The following ZNF814 variants were observed in gnomAD, a reference collection of about 807,000 sequenced individuals.
The protein encoded by ZNF814 is zinc finger protein 814.
Under a neutral mutation model 7.5 loss-of-function variants are expected in ZNF814, and 5 were observed. The ratio of observed to expected loss-of-function variants is 0.67; its 90% CI spans 0.35 to 1.40. ZNF814 has a LOEUF of 1.40. Ranked by LOEUF, ZNF814 falls within the 40% of genes most tolerant of loss-of-function variation. ZNF814 has a pLI of 0.04. For synonymous variants in ZNF814, 315 were observed against 340.7 expected, an observed-to-expected ratio of 0.92 and a Z score of 0.83; for missense variants, 962 against 1,018.0, an observed-to-expected ratio of 0.94 and a Z score of 0.75.
the ZNF814 span, among the ~76,000 whole-genome samples, chr19:57,899,184 G>A: frequency 0.22 from 33,043 of 152,074 alleles, 4,084 homozygotes; most frequent in South Asian, 0.28. Flanking sequence ...GGATACCATT[G>A]GAAAGTACTC....
At chr19:57,898,941 A>AAC in the ZNF814 span, among the ~76,000 whole-genome samples, 2 of 129,808 alleles carry the variant, frequency 1.5e-5, no homozygotes, top group African/African-American at 4.2e-5. Context: ...CTCTGTCTCA[A>AAC]AAAAAAAAAA....
chr19:57,886,161 A>G (rs1488055438), intron 1 of ZNF814, among the ~76,000 whole-genome samples: 1 of 151,956 alleles, frequency 6.6e-6, no homozygotes, highest in Non-Finnish European at 1.5e-5. Context: ...GGAATGGAAC[A>G]CTCTCCACTT....
At position 57,873,854 on chromosome 19, in the gene ZNF814, T is replaced by C; in HGVS notation, c.1536A>G (p.Arg512=). The change falls in exon 3 of 3, where the codon CGA becomes CGG. Residue 512 remains arginine, a synonymous_variant. Transcript: ENST00000435989. ...CATAAGGTCTTGCTCCAGTGTGAAC[T>C]CGCTGGTGTAGAACGAGGTTGCCCT... The part of the protein sequence containing the change: ...SQKGNLVLHQ[R]VHTGARPYEC... 2 of 1,613,894 alleles carry C rather than the reference T, an allele frequency of 1.2e-6. No individual in the cohort carries two copies. The highest frequency in any genetic ancestry group is 2.2e-5 in the South Asian group (2 of 91,052).
chr19:57,874,054 T>G lies in ZNF814; in HGVS notation c.1336A>C (p.Ser446Arg), dbSNP rs753840071. ...YGCEECGKSF[S>R]SEGHLRSHQR... ...TGGCTCCTAAGATGTCCTTCTGAAC[T>G]AAAAGATTTCCCACATTCTTCACAC... Residue 446 changes from serine to arginine, a missense_variant, in exon 3 of 3, where the codon AGT (serine) becomes CGT (arginine). Transcript: ENST00000435989. 7 of 1,610,562 alleles carry G rather than the reference T, an allele frequency of 4.3e-6. No individual in the cohort carries two copies. Among genetic ancestry groups the G allele is most frequent in the Non-Finnish European group, 5.1e-6 (6 of 1,178,424 alleles).
chr19:57,877,096 C>T, intron 1 of ZNF814, 54 bp from the exon 2 acceptor site: 1 of 1,602,022 alleles, frequency 6.2e-7, no homozygotes, highest in Non-Finnish European at 8.5e-7. Flanking sequence ...TGAGGTATCA[C>T]AATCCATCTC....
chr19:57,873,670 T>G lies in ZNF814; in HGVS notation c.1720A>C (p.Arg574=). 1 of 1,614,058 alleles carries G rather than the reference T, an allele frequency of 6.2e-7. No homozygotes were observed. Among genetic ancestry groups the G allele is most frequent in the South Asian group, 1.1e-5 (1 of 91,072 alleles). Residue 574 remains arginine (R), a synonymous_variant, in exon 3 of 3, where the codon AGA becomes CGA. Coordinates refer to ENST00000435989, the MANE Select transcript of ZNF814 (RefSeq NM_001144989.2). ...CCACATTCTCCACACCCATAAGATC[T>G]TTCTCTAGGGTGAACTCGCTGATGT... is the stretch of plus-strand genomic sequence containing the variant. ...ILHQRVHPRE[R]SYGCGECGKS... is the part of the protein sequence containing the mutation.
Position 57,872,503 on chromosome 19 carries a change from G to A in ZNF814, c.*319C>T. The A allele has an allele frequency of 5.3e-6, 3 of 571,312 alleles. No homozygotes were observed. Among genetic ancestry groups the A allele is most frequent in the Non-Finnish European group, 9.1e-6 (3 of 327,990 alleles). The allele number at this position is 571,312 out of a possible 1,614,324, so 35.4% of individuals were successfully genotyped here. ...TGCCCAAATGTATTTTATTTGTCTA[G>A]TGTGAACTCTCTGATATTCAAGGAG... On this transcript the variant is annotated 3_prime_UTR_variant, in exon 3 of 3. Transcript: ENST00000435989.
At chr19:57,883,202 C>T (rs2071662714) in intron 1 of ZNF814, among the ~76,000 whole-genome samples, 1 of 151,488 alleles carries the variant, frequency 6.6e-6, no homozygotes, top group Admixed American at 6.6e-5. Flanking sequence ...ACTAAAAATA[C>T]AAAAAATTAG....
the ZNF814 span, among the ~76,000 whole-genome samples, chr19:57,898,451 T>C: frequency 1.1e-3 from 166 of 152,282 alleles, 1 homozygote; most frequent in Non-Finnish European, 1.3e-4. Flanking sequence ...CGCATTAGGG[T>C]ATCATTTTTA....
upstream of ZNF814, among the ~76,000 whole-genome samples, chr19:57,889,876 A>T (rs1328509957): frequency 2.0e-5 from 3 of 152,144 alleles, no homozygotes; most frequent in Non-Finnish European, 4.4e-5. Flanking sequence ...AAAAAAAATA[A>T]AAATAAAAAT....
At position 57,871,776 on chromosome 19, in the gene ZNF814, A is replaced by G. The variant is rs570956040; in HGVS notation, c.*1046T>C. ...GAAGAAGTGCTGAAGCTACTCAACAAATCCTTCTGTGACTCGATCAGAAAT... is the reference window on the plus strand; with the variant it reads ...GAAGAAGTGCTGAAGCTACTCAACAGATCCTTCTGTGACTCGATCAGAAAT... On this transcript the variant is annotated 3_prime_UTR_variant, in exon 3 of 3. Transcript: ENST00000435989. The G allele has an allele frequency of 6.6e-6, 1 of 150,928 alleles. No homozygotes were observed. Among genetic ancestry groups the G allele is most frequent in the East Asian group, 2.0e-4 (1 of 5,102 alleles). The allele number at this position is 150,928 out of a possible 1,614,324, so 9.3% of individuals were successfully genotyped here.
chr19:57,882,705 T>C (rs1445438147), intron 1 of ZNF814, among the ~76,000 whole-genome samples: 1 of 140,706 alleles, frequency 7.1e-6, no homozygotes, highest in Non-Finnish European at 1.5e-5. Context: ...TTACTGAGTG[T>C]GGGGTTCCCG....
At chr19:57,892,749 G>C (rs183826948), upstream of ZNF814, among the ~76,000 whole-genome samples, 222 of 152,322 alleles carry the variant, frequency 1.5e-3, no homozygotes, top group African/African-American at 5.1e-3. Context: ...ATGGGAGTGG[G>C]GGGGGCTTCT....
intron 1 of ZNF814, among the ~76,000 whole-genome samples, chr19:57,883,343 G>T (rs937881536): frequency 7.2e-6 from 1 of 139,180 alleles, no homozygotes; most frequent in African/African-American, 2.7e-5. Flanking sequence ...CTGGGCGACA[G>T]CGAGACTCCA....
chr19:57,874,908 C>T lies in ZNF814; in HGVS notation c.482G>A (p.Cys161Tyr), dbSNP rs2071593498. Residue 161 changes from cysteine (C) to tyrosine (Y), a missense_variant, in exon 3 of 3, where the codon TGT becomes TAT. Physicochemically the swap from Cys to Tyr is radical, Grantham distance 194 (BLOSUM62 -2). This residue lies in a region of ZNF814 where 126 missense variants were observed against 123.5 expected (regional missense o/e 1.02). Coordinates refer to ENST00000435989, the MANE Select transcript of ZNF814 (RefSeq NM_001144989.2). ...TGACTCCCCTGACACATGCAACTTACACCTCTTTGCAAACAACGCCTCCTC... is the reference window on the plus strand; with the variant it reads ...TGACTCCCCTGACACATGCAACTTATACCTCTTTGCAAACAACGCCTCCTC... ...SVEEALFAKRCKLHVSGESSV... is the reference protein window; with the variant it reads ...SVEEALFAKRYKLHVSGESSV... The T allele has an allele frequency of 5.0e-6, 8 of 1,613,526 alleles. No individual in the cohort carries two copies. The highest frequency in any genetic ancestry group is 2.2e-5 in the East Asian group (1 of 44,896).
chr19:57,893,165 TATTG>T (rs965156980), upstream of ZNF814, among the ~76,000 whole-genome samples: 2 of 151,070 alleles, frequency 1.3e-5, no homozygotes, highest in African/African-American at 2.4e-5. Flanking sequence ...TCTTTTTTGT[TATTG>T]ATTTTTTTTT....
the ZNF814 span, among the ~76,000 whole-genome samples, chr19:57,894,083 G>A: frequency 0.04 from 5,274 of 131,426 alleles, 300 homozygotes; most frequent in African/African-American, 0.14. Flanking sequence ...ACTCTGTCTC[G>A]AAAAAAAAAA....
chr19:57,882,559 CAG>C (rs1376054184), intron 1 of ZNF814, among the ~76,000 whole-genome samples: 6 of 115,220 alleles, frequency 5.2e-5, no homozygotes, highest in Non-Finnish European at 8.3e-5. Context: ...TCAGCACTGA[CAG>C]AGACATGCTG....
At chr19:57,893,235 G>A (rs1279699029), upstream of ZNF814, among the ~76,000 whole-genome samples, 2 of 148,706 alleles carry the variant, frequency 1.3e-5, no homozygotes, top group Non-Finnish European at 3.0e-5. Flanking sequence ...GTGCAGTGGT[G>A]TGATTTCGGC....
Sources: allele counts gnomAD v4.1 joint callset (sites outside exome capture counted in the v4.1 genomes callset), GRCh38; gene constraint gnomAD v4.1.1; regional missense constraint gnomAD v4.1.1; transcripts MANE v1.5; gene names NCBI Gene and HGNC (gene_info 2026-07-23, HGNC 2026-07-21).